Variants in SSUH2 observed in about 807,000 individuals in gnomAD.
SSUH2 encodes the protein protein SSUH2 homolog.
In SSUH2, 47 loss-of-function variants were observed where a neutral mutation model predicts 55.3. The observed-to-expected ratio is 0.85, with a 90% confidence interval of 0.67 to 1.08. SSUH2 has a LOEUF of 1.08. Ranked by LOEUF, SSUH2 falls within the 50% of genes least tolerant of loss-of-function variation. SSUH2 has a pLI of 0.00. For synonymous variants in SSUH2, 212 were observed against 191.5 expected, an observed-to-expected ratio of 1.11 and a Z score of -0.89; for missense variants, 535 against 490.7, an observed-to-expected ratio of 1.09 and a Z score of -0.85.
chr3:8,655,526 G>A (rs1245847094), intron 7 of SSUH2, among the ~76,000 whole-genome samples: 1 of 150,750 alleles, frequency 6.6e-6, no homozygotes, highest in Non-Finnish European at 1.5e-5. Context: ...TCAGTGTGTG[G>A]CCTCCCCGAG....
intron 6 of SSUH2, chr3:8,659,892 T>C: frequency 2.3e-6 from 1 of 429,820 alleles, no homozygotes; most frequent in Non-Finnish European, 4.7e-6. Flanking sequence ...ATGGGAATCT[T>C]TCCAGGGAAG....
At chr3:8,643,698 G>A (rs1701249925) in intron 1 of SSUH2, among the ~76,000 whole-genome samples, 2 of 152,172 alleles carry the variant, frequency 1.3e-5, no homozygotes, top group African/African-American at 4.8e-5. Context: ...AAGCTCCAGT[G>A]TCATCAAGTC....
At chr3:8,623,084 C>A (rs1270943508) in intron 11 of SSUH2, among the ~76,000 whole-genome samples, 2 of 152,190 alleles carry the variant, frequency 1.3e-5, no homozygotes, top group Non-Finnish European at 2.9e-5. Context: ...GTAGCAGCCA[C>A]CACCGCCACC....
In SSUH2 at chr3:8,619,543, A is replaced by G; in HGVS notation, c.*325T>C. The G allele has an allele frequency of 4.1e-6, 1 of 246,272 alleles. No individual in the cohort carries two copies. Among genetic ancestry groups the G allele is most frequent in the Non-Finnish European group, 7.7e-6 (1 of 129,648 alleles). The allele number at this position is 246,272 out of a possible 1,614,324, so 15.3% of individuals were successfully genotyped here. On this transcript the variant is annotated 3_prime_UTR_variant, in exon 12 of 12. Coordinates refer to ENST00000544814, the MANE Select transcript of SSUH2 (RefSeq NM_001256748.3). ...CAGAACCAAGACCGACAAAGGGAAA[A>G]AGCAAAATCAAATCACACGCATCAT...
intron 6 of SSUH2, among the ~76,000 whole-genome samples, chr3:8,630,252 T>A (rs755245025): frequency 6.6e-6 from 1 of 152,170 alleles, no homozygotes; most frequent in African/African-American, 2.4e-5. Context: ...ATTGCACCCT[T>A]AAATCCAGTC....
intron 5 of SSUH2, among the ~76,000 whole-genome samples, chr3:8,670,087 A>T (rs1369112319): frequency 1.3e-5 from 2 of 152,080 alleles, no homozygotes; most frequent in East Asian, 3.9e-4. Flanking sequence ...GCATATCCCT[A>T]GGCCCCCCAG....
At chr3:8,633,238 G>A (rs1699196143) in intron 4 of SSUH2, among the ~76,000 whole-genome samples, 1 of 149,756 alleles carries the variant, frequency 6.7e-6, no homozygotes, top group Non-Finnish European at 1.5e-5. Context: ...CCGCCTCCCA[G>A]TTTCAAGCAA....
upstream of SSUH2, among the ~76,000 whole-genome samples, chr3:8,648,521 C>T (rs1005292974): frequency 1.5e-4 from 23 of 152,122 alleles, no homozygotes; most frequent in African/African-American, 5.5e-4. Flanking sequence ...CAATCCTGAA[C>T]CTTTGTCTCC....
chr3:8,643,914 A>G (rs1030470744), intron 1 of SSUH2, among the ~76,000 whole-genome samples: 1 of 152,206 alleles, frequency 6.6e-6, no homozygotes, highest in Non-Finnish European at 1.5e-5. Context: ...CCAAGATCAC[A>G]CAGCCAATTC....
At chr3:8,645,406 C>T (rs2125286103), upstream of SSUH2, among the ~76,000 whole-genome samples, 1 of 152,324 alleles carries the variant, frequency 6.6e-6, no homozygotes, top group Non-Finnish European at 1.5e-5. Context: ...ACCAGCCTCG[C>T]CCACTGTGAA....
chr3:8,619,445 G>A lies in SSUH2; in HGVS notation c.*423C>T, dbSNP rs1013210317. The A allele has an allele frequency of 2.4e-5, 4 of 166,098 alleles. No homozygotes were observed. Among genetic ancestry groups the A allele is most frequent in the African/African-American group, 9.6e-5 (4 of 41,740 alleles). The allele number at this position is 166,098 out of a possible 1,614,324, so 10.3% of individuals were successfully genotyped here. On this transcript the variant is annotated 3_prime_UTR_variant, in exon 12 of 12. Coordinates refer to ENST00000544814, the MANE Select transcript of SSUH2 (RefSeq NM_001256748.3). Reference sequence around the variant, plus strand: ...CAGTATTTATTGTGCATTAGGGCCAGATATTTGTGTGTATCCTTGAACATT... The same window carrying A: ...CAGTATTTATTGTGCATTAGGGCCAAATATTTGTGTGTATCCTTGAACATT...
intron 11 of SSUH2, 121 bp downstream of exon 11, chr3:8,623,428 C>A: frequency 1.4e-6 from 1 of 692,814 alleles, no homozygotes; most frequent in South Asian, 1.6e-5. Context: ...TCCCACACTC[C>A]TCCCCCGGGA....
At chr3:8,662,167 G>A (rs944431469) in intron 6 of SSUH2, among the ~76,000 whole-genome samples, 4 of 152,170 alleles carry the variant, frequency 2.6e-5, no homozygotes, top group African/African-American at 7.2e-5. Context: ...CACTCTCTCT[G>A]TCTCCCAAGA....
chr3:8,623,527 TG>T, intron 11 of SSUH2, 21 bp downstream of exon 11: 4 of 1,428,920 alleles, frequency 2.8e-6, no homozygotes, highest in Non-Finnish European at 3.9e-6. Context: ...CAGAGCCAGA[TG>T]GCCCCTCCGC....
At chr3:8,681,710 C>G (rs1016628595) in intron 1 of SSUH2, among the ~76,000 whole-genome samples, 4 of 141,454 alleles carry the variant, frequency 2.8e-5, no homozygotes, top group Non-Finnish European at 4.7e-5. Context: ...CCCATCGCAG[C>G]GGGGGGAGGC....
intron 6 of SSUH2, chr3:8,659,754 G>A (rs1405087528): frequency 2.2e-6 from 1 of 456,144 alleles, no homozygotes; most frequent in African/African-American, 2.0e-5. Flanking sequence ...TTCATTCAAT[G>A]GGTATTTATT....
chr3:8,631,314 T>A (rs868570384), intron 5 of SSUH2, among the ~76,000 whole-genome samples: 1 of 152,220 alleles, frequency 6.6e-6, no homozygotes, highest in Non-Finnish European at 1.5e-5. Context: ...ACTGAGGGGA[T>A]GACACACAAG....
At chr3:8,676,987 A>C (rs392114) in intron 3 of SSUH2, among the ~76,000 whole-genome samples, 127,448 of 141,566 alleles carry the variant, frequency 0.9, 57,219 homozygotes, top group East Asian at 0.99. Context: ...GAGAGCCAGT[A>C]CCTCTTCCCC....
At chr3:8,629,540 A>G in intron 7 of SSUH2, 124 bp downstream of exon 7, 1 of 781,132 alleles carries the variant, frequency 1.3e-6, no homozygotes, top group Non-Finnish European at 2.1e-6. Flanking sequence ...GAAAGGGAGG[A>G]TGACTTGGCT....
Sources: allele counts gnomAD v4.1 joint callset (sites outside exome capture counted in the v4.1 genomes callset), GRCh38; gene constraint gnomAD v4.1.1; transcripts MANE v1.5; gene names NCBI Gene and HGNC (gene_info 2026-07-23, HGNC 2026-07-21).